PTGER3: variants seen among roughly 807,000 people sequenced by gnomAD.
PTGER3 encodes the protein prostaglandin E receptor 3, also known as prostaglandin E2 receptor EP3 subtype.
A neutral mutation model predicts 34.7 loss-of-function variants in PTGER3; 22 were observed. That is an observed-to-expected ratio of 0.63 (90% CI 0.45 to 0.91). PTGER3 has a LOEUF of 0.91. Among genes scored for constraint, PTGER3 ranks in the 40% least tolerant of loss-of-function variants. The pLI is 0.00. For synonymous variants in PTGER3, 241 were observed against 230.1 expected, an observed-to-expected ratio of 1.05 and a Z score of -0.43; for missense variants, 468 against 519.4, an observed-to-expected ratio of 0.90 and a Z score of 0.96.
chr1:70,922,376 G>A (rs1165883519), intron 4 of PTGER3, among the ~76,000 whole-genome samples: 1 of 152,052 alleles, frequency 6.6e-6, no homozygotes, highest in African/African-American at 2.4e-5. Flanking sequence ...AAAAATTTAT[G>A]AAAACGAATT....
intron 4 of PTGER3, among the ~76,000 whole-genome samples, chr1:70,853,705 G>A (rs538844518): frequency 4.6e-5 from 7 of 152,088 alleles, no homozygotes; most frequent in South Asian, 2.1e-4. Flanking sequence ...AAGAAAAAAC[G>A]TGTTTTAAAT....
At chr1:71,040,133 AAGAG>A (rs975473445) in intron 1 of PTGER3, among the ~76,000 whole-genome samples, 67 of 151,824 alleles carry the variant, frequency 4.4e-4, no homozygotes, top group African/African-American at 1.5e-3. Flanking sequence ...AAGAAAGAGA[AAGAG>A]AGAAAGAAAA....
intron 2 of PTGER3, among the ~76,000 whole-genome samples, chr1:70,990,353 T>TCACA (rs576448927): frequency 0.017 from 2,246 of 130,734 alleles, 33 homozygotes; most frequent in East Asian, 0.051. Flanking sequence ...CGAGACTGTC[T>TCACA]CACACACACA....
At chr1:70,955,103 GT>G (rs1651186270) in intron 2 of PTGER3, among the ~76,000 whole-genome samples, 1 of 152,092 alleles carries the variant, frequency 6.6e-6, no homozygotes, top group African/African-American at 2.4e-5. Flanking sequence ...CATTGAAAAT[GT>G]TTTGAAACTT....
At chr1:70,893,983 G>T (rs890426230) in intron 4 of PTGER3, among the ~76,000 whole-genome samples, 1 of 152,132 alleles carries the variant, frequency 6.6e-6, no homozygotes. Flanking sequence ...ACCACAATTT[G>T]GTTTTGGTCA....
At chr1:70,905,470 AG>A (rs1288219036) in intron 4 of PTGER3, among the ~76,000 whole-genome samples, 2 of 152,200 alleles carry the variant, frequency 1.3e-5, no homozygotes, top group Non-Finnish European at 2.9e-5. Flanking sequence ...GCAGATCCAC[AG>A]GGGCAAAGCT....
At chr1:70,942,663 G>A (rs1291371325) in intron 4 of PTGER3, among the ~76,000 whole-genome samples, 1 of 152,144 alleles carries the variant, frequency 6.6e-6, no homozygotes, top group Non-Finnish European at 1.5e-5. Flanking sequence ...CACCATTTGT[G>A]TGTTGAAGGC....
rs1333304198 is a variant in PTGER3 at position 70,923,090 on chromosome 1, T to C, written c.*23+30673A>G. Among the ~76,000 whole-genome samples the C allele has an allele frequency of 2.6e-5, 4 of 152,186 alleles. No homozygotes were observed. In the East Asian group the frequency reaches 5.8e-4, roughly 22 times the overall value. On this transcript the variant is annotated intron_variant, in intron 4 of 4. Coordinates refer to the PTGER3 transcript ENST00000370931. ...TTGAATATATTTGTCTATAAGGTTT[T>C]ATTGAATATATTTGTCTATTGGGTG...
At position 70,928,273 on chromosome 1, in the gene PTGER3, T is replaced by C. The variant is rs1367160385; in HGVS notation, c.*23+25490A>G. 2.7e-5 allele frequency among the ~76,000 whole-genome samples: 4 copies of C among 150,630 alleles called. No individual in the cohort carries two copies. The East Asian group carries it at 5.8e-4, about 22-fold the overall frequency. On this transcript the variant is annotated intron_variant, in intron 4 of 4. Transcript: ENST00000370931. The stretch of plus-strand genomic sequence containing the variant: ...TACTGCCTTGTATAGAAATTCCAAA[T>C]TATAAATCATGTTAATGAGGTTAAA...
intron 3 of PTGER3, 106 bp downstream of exon 3, chr1:70,974,191 G>T: frequency 2.1e-6 from 3 of 1,438,964 alleles, no homozygotes; most frequent in Non-Finnish European, 2.8e-6. Flanking sequence ...TGTTTAATTT[G>T]CATTTTAATT....
intron 4 of PTGER3, among the ~76,000 whole-genome samples, chr1:70,929,538 T>C (rs2100490025): frequency 6.6e-6 from 1 of 152,306 alleles, no homozygotes; most frequent in East Asian, 1.9e-4. Context: ...CAGCACTCTG[T>C]GTACAAAATA....
At chr1:70,924,151 A>G (rs1295145224) in intron 4 of PTGER3, among the ~76,000 whole-genome samples, 1 of 152,116 alleles carries the variant, frequency 6.6e-6, no homozygotes, top group Non-Finnish European at 1.5e-5. Context: ...TACACATGGT[A>G]GGGCTTGGCT....
At chr1:71,036,959 C>T (rs143377696) in intron 1 of PTGER3, among the ~76,000 whole-genome samples, 149 of 151,014 alleles carry the variant, frequency 9.9e-4, no homozygotes, top group Middle Eastern at 3.4e-3. Context: ...GGTCAGCAGC[C>T]CTTTGAGTCC....
intron 4 of PTGER3, chr1:70,865,824 G>T: frequency 7.4e-7 from 1 of 1,359,232 alleles, no homozygotes; most frequent in Non-Finnish European, 9.9e-7. Context: ...GAGGTGGGAA[G>T]AAGAGGAGCC....
chr1:70,861,102 C>T (rs1645917385), intron 4 of PTGER3, among the ~76,000 whole-genome samples: 1 of 152,142 alleles, frequency 6.6e-6, no homozygotes, highest in East Asian at 1.9e-4. Context: ...TACTGGGCAC[C>T]TGAGGGGCAG....
chr1:71,017,475 C>T (rs913883304), intron 1 of PTGER3, among the ~76,000 whole-genome samples: 1 of 152,124 alleles, frequency 6.6e-6, no homozygotes, highest in African/African-American at 2.4e-5. Flanking sequence ...TCTTAAGCCA[C>T]TGATATGGTC....
Position 71,025,156 on chromosome 1 carries a change from C to CCTTCCTTCCTTT in PTGER3, c.898-12673_898-12672insAAAGGAAGGAAG, listed in dbSNP as rs1658806140. Among the ~76,000 whole-genome samples the CCTTCCTTCCTTT allele has an allele frequency of 4.7e-5, 7 of 148,280 alleles. No individual in the cohort carries two copies. The South Asian group carries it at 1.5e-3, about 32-fold the overall frequency. Reference sequence around the variant, plus strand: ...CCCTTCCTTCCTTCCTTCCTTCCTTCCTTCCTTCTTTCCTTCCTTTTTTTC... The same window carrying CCTTCCTTCCTTT: ...CCCTTCCTTCCTTCCTTCCTTCCTTCCTTCCTTCCTTTCTTCCTTCTTTCCTTCCTTTTTTTC... On this transcript the variant is annotated intron_variant, in intron 1 of 3. Transcript: ENST00000306666.
At chr1:70,894,440 T>C (rs1226233861) in intron 4 of PTGER3, among the ~76,000 whole-genome samples, 1 of 152,094 alleles carries the variant, frequency 6.6e-6, no homozygotes, top group Non-Finnish European at 1.5e-5. Context: ...AAAACTACAT[T>C]GAATGCCTAG....
intron 2 of PTGER3, chr1:71,011,522 T>C (rs1657445705): frequency 1.0e-6 from 1 of 985,096 alleles, no homozygotes; most frequent in African/African-American, 1.7e-5. Context: ...CATAGAAATG[T>C]AAAATATATT....
Sources: gnomAD v4.1 joint callset for allele counts (sites outside exome capture counted in the v4.1 genomes callset) on GRCh38, gnomAD v4.1.1 for gene constraint, MANE v1.5 for transcripts, NCBI Gene and HGNC (gene_info 2026-07-23, HGNC 2026-07-21) for gene names.